Variants in CDC14B observed in about 807,000 individuals in gnomAD.
The protein encoded by CDC14B is dual specificity protein phosphatase CDC14B.
A neutral mutation model predicts 64.2 loss-of-function variants in CDC14B; 22 were observed. The ratio of observed to expected loss-of-function variants is 0.34; its 90% CI spans 0.24 to 0.49. The LOEUF (loss-of-function observed/expected upper bound fraction) is 0.49, where lower values mean the gene tolerates loss of function less well. Ranked by LOEUF, CDC14B falls within the 20% of genes least tolerant of loss-of-function variation. The probability of loss-of-function intolerance (pLI) is 0.99; values close to 1 mark genes in which losing one functional copy is unlikely to be tolerated. For synonymous variants in CDC14B, 191 were observed against 215.8 expected, an observed-to-expected ratio of 0.89 and a Z score of 1.01; for missense variants, 498 against 629.9, an observed-to-expected ratio of 0.79 and a Z score of 2.24.
At chr9:96,550,097 C>T (rs1191787425) in intron 5 of CDC14B, among the ~76,000 whole-genome samples, 1 of 152,158 alleles carries the variant, frequency 6.6e-6, no homozygotes, top group Non-Finnish European at 1.5e-5. Context: ...ACCAAGGTGC[C>T]TGTGACTCAA....
chr9:96,589,883 C>A (rs1845678577), intron 1 of CDC14B, among the ~76,000 whole-genome samples: 1 of 151,820 alleles, frequency 6.6e-6, no homozygotes, highest in Non-Finnish European at 1.5e-5. Context: ...ATGGCGTGAA[C>A]CCGGGAGGCA....
intron 1 of CDC14B, among the ~76,000 whole-genome samples, chr9:96,582,233 T>C (rs1337003361): frequency 6.6e-6 from 1 of 152,176 alleles, no homozygotes; most frequent in African/African-American, 2.4e-5. Context: ...AGAAGCAAAA[T>C]TTATCCAAAG....
intron 5 of CDC14B, among the ~76,000 whole-genome samples, chr9:96,550,573 G>A (rs1351746979): frequency 2.0e-5 from 3 of 152,072 alleles, no homozygotes; most frequent in Non-Finnish European, 2.9e-5. Flanking sequence ...ATAAACTAAC[G>A]AACTAATTAG....
intron 1 of CDC14B, among the ~76,000 whole-genome samples, chr9:96,566,356 CTAT>C (rs1457155828): frequency 3.6e-5 from 5 of 137,178 alleles, no homozygotes; most frequent in African/African-American, 1.6e-4. Flanking sequence ...AAATGGTAAA[CTAT>C]TTTTTTTTTT....
intron 1 of CDC14B, among the ~76,000 whole-genome samples, chr9:96,613,354 T>C (rs1194129602): frequency 1.3e-5 from 2 of 152,190 alleles, no homozygotes; most frequent in African/African-American, 4.8e-5. Flanking sequence ...ACTGGGAACA[T>C]TCCTTCCCAT....
chr9:96,607,300 T>C (rs1847015188), intron 1 of CDC14B, among the ~76,000 whole-genome samples: 1 of 151,612 alleles, frequency 6.6e-6, no homozygotes, highest in African/African-American at 2.4e-5. Context: ...TAAGGGATGC[T>C]TTGAGGTATT....
chr9:96,568,422 A>G (rs1437761899), intron 1 of CDC14B, among the ~76,000 whole-genome samples: 1 of 152,228 alleles, frequency 6.6e-6, no homozygotes, highest in Non-Finnish European at 1.5e-5. Context: ...TGTTATCACA[A>G]AAGTAACAGA....
intron 1 of CDC14B, among the ~76,000 whole-genome samples, chr9:96,574,455 A>T (rs1251297552): frequency 6.6e-6 from 1 of 152,102 alleles, no homozygotes; most frequent in Non-Finnish European, 1.5e-5. Flanking sequence ...AGTGGATTAA[A>T]AACCTAGATA....
rs1188485210 is a variant in CDC14B at position 96,619,440 on chromosome 9, G to A, written c.-62C>T. The A allele has an allele frequency of 9.9e-7, 1 of 1,008,344 alleles. No individual in the cohort carries two copies. Among genetic ancestry groups the A allele is most frequent in the African/African-American group, 1.8e-5 (1 of 56,886 alleles). The allele number at this position is 1,008,344 out of a possible 1,614,324, so 62.5% of individuals were successfully genotyped here. A position where few individuals can be genotyped will look rare whatever the true frequency, so the allele number is the denominator to read the frequency against. ...GGCCCCGCGCGCCCGCGCGCCCGCC[G>A]AGGCTCCCGCCAGCCCCGCGCGGGC... On this transcript the variant is annotated 5_prime_UTR_variant, in exon 1 of 14. Transcript: ENST00000375241.
intron 1 of CDC14B, among the ~76,000 whole-genome samples, chr9:96,612,473 A>G (rs1165947333): frequency 6.6e-6 from 1 of 152,094 alleles, no homozygotes; most frequent in Non-Finnish European, 1.5e-5. Flanking sequence ...TCTCACAACA[A>G]ATCTGTGGCA....
intron 6 of CDC14B, among the ~76,000 whole-genome samples, chr9:96,540,140 G>T (rs1465968061): frequency 2.0e-5 from 3 of 152,078 alleles, no homozygotes; most frequent in Admixed American, 2.0e-4. Context: ...ATTTCTAATA[G>T]AATGAAACAA....
At chr9:96,600,805 G>A (rs533188652) in intron 1 of CDC14B, among the ~76,000 whole-genome samples, 1 of 152,044 alleles carries the variant, frequency 6.6e-6, no homozygotes, top group African/African-American at 2.4e-5. Context: ...ACCCGGCCTA[G>A]CGTTTGTGTT....
Position 96,504,050 on chromosome 9 carries a change from A to C in CDC14B, c.1461-261T>G, listed in dbSNP as rs993545720. 4.7e-4 allele frequency among the ~76,000 whole-genome samples: 71 copies of C among 152,322 alleles called. 1 individual carries two copies. Among genetic ancestry groups the C allele is most frequent in the African/African-American group, 1.6e-3 (66 of 41,574 alleles). On this transcript the variant is annotated intron_variant, in intron 13 of 13. Coordinates refer to ENST00000375241, the MANE Select transcript of CDC14B (RefSeq NM_033331.4). Reference sequence around the variant, plus strand: ...TTAAAAAAACCAATACGAGTAAATAAAAATCATAAAAGACGGACGGGCAGG... The same window carrying C: ...TTAAAAAAACCAATACGAGTAAATACAAATCATAAAAGACGGACGGGCAGG...
At chr9:96,604,779 C>T (rs1224891416) in intron 1 of CDC14B, among the ~76,000 whole-genome samples, 1 of 152,076 alleles carries the variant, frequency 6.6e-6, no homozygotes, top group African/African-American at 2.4e-5. Context: ...AGCGATTCTC[C>T]TGCCTCAGCC....
At chr9:96,521,608 G>A (rs968229205) in intron 12 of CDC14B, among the ~76,000 whole-genome samples, 3 of 152,202 alleles carry the variant, frequency 2.0e-5, no homozygotes, top group East Asian at 1.9e-4. Flanking sequence ...TTTTTATGAC[G>A]AGACACTAGT....
In CDC14B at chr9:96,535,820, T is replaced by C. The variant is rs180750873; in HGVS notation, c.628-1278A>G. Reference sequence around the variant, plus strand: ...CGGGTGCAGTGGCATGCACCTGTAGTCCTAGCTACTTGGGAGGCTGAGGCA... The same window carrying C: ...CGGGTGCAGTGGCATGCACCTGTAGCCCTAGCTACTTGGGAGGCTGAGGCA... On this transcript the variant is annotated intron_variant, in intron 7 of 13. Transcript: ENST00000375241. 6.6e-5 allele frequency among the ~76,000 whole-genome samples: 10 copies of C among 150,398 alleles called. No individual in the cohort carries two copies. In the East Asian group the frequency reaches 1.9e-3, roughly 29 times the overall value.
chr9:96,516,432 A>C (rs953653042), intron 12 of CDC14B, among the ~76,000 whole-genome samples: 1 of 152,158 alleles, frequency 6.6e-6, no homozygotes, highest in Admixed American at 6.5e-5. Context: ...CATTTTCCTC[A>C]TACTAGTTGG....
intron 6 of CDC14B, 81 bp from the exon 7 acceptor site, chr9:96,539,221 T>A (rs1384892486): frequency 2.0e-6 from 2 of 989,278 alleles, no homozygotes; most frequent in African/African-American, 3.3e-5. Flanking sequence ...ATACTAAATA[T>A]CAGGGGCCCC....
intron 1 of CDC14B, among the ~76,000 whole-genome samples, chr9:96,580,108 G>A (rs528021753): frequency 6.6e-6 from 1 of 152,116 alleles, no homozygotes; most frequent in East Asian, 1.9e-4. Flanking sequence ...GACATATTTG[G>A]CCTAATTAGT....
Sources: allele counts gnomAD v4.1 joint callset (sites outside exome capture counted in the v4.1 genomes callset), GRCh38; gene constraint gnomAD v4.1.1; transcripts MANE v1.5; gene names NCBI Gene and HGNC (gene_info 2026-07-23, HGNC 2026-07-21).